Variants in KLF13 observed in about 807,000 individuals in gnomAD.
The protein encoded by KLF13 is KLF transcription factor 13.
KLF13 carries 8 observed loss-of-function variants against 16.7 expected under a neutral mutation model. That is an observed-to-expected ratio of 0.48 (90% CI 0.28 to 0.87). The LOEUF (loss-of-function observed/expected upper bound fraction) is 0.87. Among genes scored for constraint, KLF13 ranks in the 40% least tolerant of loss-of-function variants. The probability of loss-of-function intolerance (pLI) is 0.10; values close to 1 mark genes in which losing one functional copy is unlikely to be tolerated. For missense variants in KLF13, 447 were observed against 452.2 expected (o/e 0.99, Z 0.10); for synonymous variants, 245 against 208.4 (o/e 1.18, Z -1.51).
At chr15:31,425,446 TAA>T (rs1188777746) in intron 1 of KLF13, among the ~76,000 whole-genome samples, 1 of 152,128 alleles carries the variant, frequency 6.6e-6, no homozygotes, top group African/African-American at 2.4e-5. Flanking sequence ...CAATAGAATA[TAA>T]GAGAGATCCC....
At chr15:31,352,158 C>T (rs1017764135) in intron 1 of KLF13, among the ~76,000 whole-genome samples, 1 of 152,192 alleles carries the variant, frequency 6.6e-6, no homozygotes, top group African/African-American at 2.4e-5. Flanking sequence ...GCCACGCTGC[C>T]CCGTACCTGG....
upstream of KLF13, among the ~76,000 whole-genome samples, chr15:31,389,643 A>C (rs149678329): frequency 1.3e-3 from 197 of 152,328 alleles, 1 homozygote; most frequent in African/African-American, 4.5e-3. Flanking sequence ...AGGTGGGAGT[A>C]GGATGGCCTC....
Position 31,423,127 on chromosome 15 carries a change from A to ATG in KLF13, n.118-12242_118-12241insGT, listed in dbSNP as rs530508154. On this transcript the variant is annotated intron_variant and non_coding_transcript_variant, in intron 1 of 1. Transcript: ENST00000558225. The stretch of plus-strand genomic sequence containing the variant: ...TATACGTATACGTATATATACGTAT[A>ATG]TATACGTATACGTATACGTATATAT... 7.1e-5 allele frequency among the ~76,000 whole-genome samples: 8 copies of ATG among 112,724 alleles called. 1 individual carries two copies. The South Asian group carries it at 1.2e-3, about 17-fold the overall frequency. The allele number at this position is 112,724 out of a possible 152,430, so 74.0% of individuals were successfully genotyped here.
At chr15:31,415,542 T>C (rs550024987) in intron 1 of KLF13, among the ~76,000 whole-genome samples, 1 of 151,966 alleles carries the variant, frequency 6.6e-6, no homozygotes, top group Admixed American at 6.5e-5. Context: ...GAATAACCAA[T>C]AGGACAAAGA....
At chr15:31,398,030 C>T (rs992284531) in intron 2 of KLF13, among the ~76,000 whole-genome samples, 2 of 152,130 alleles carry the variant, frequency 1.3e-5, no homozygotes, top group Non-Finnish European at 2.9e-5. Context: ...TTACGCAGTC[C>T]GGGGCCAGTA....
At chr15:31,351,125 G>A (rs935538396) in intron 1 of KLF13, among the ~76,000 whole-genome samples, 1 of 152,226 alleles carries the variant, frequency 6.6e-6, no homozygotes. Context: ...TTCTCAGCCC[G>A]TATCATGGAC....
At chr15:31,385,400 A>G (rs1405188199) in intron 1 of KLF13, among the ~76,000 whole-genome samples, 3 of 152,212 alleles carry the variant, frequency 2.0e-5, no homozygotes, top group African/African-American at 7.2e-5. Flanking sequence ...TCTAGTGCAC[A>G]TGATTTTATT....
rs747301995 is a variant in KLF13 at position 31,327,672 on chromosome 15, G to C, written c.460G>C (p.Gly154Arg). Reference sequence around the variant, plus strand: ...CGGCCTCAGACAAAGGGTCCGGCGGGGCCGAAGTCGCGCCGACCTCGAGTC... The same window carrying C: ...CGGCCTCAGACAAAGGGTCCGGCGGCGCCGAAGTCGCGCCGACCTCGAGTC... Reference protein sequence around the residue: ...EPGLRQRVRRGRSRADLESPQ... With the variant: ...EPGLRQRVRRRRSRADLESPQ... Residue 154 changes from glycine to arginine, a missense_variant, in exon 1 of 2, where the codon GGC (glycine) becomes CGC (arginine). Physicochemically the swap from Gly to Arg is moderately radical, Grantham distance 125. Transcript: ENST00000307145. 2 of 1,512,886 alleles carry C rather than the reference G, an allele frequency of 1.3e-6. No individual in the cohort carries two copies. The highest frequency in any genetic ancestry group is 2.4e-5 in the South Asian group (2 of 83,208). 93.7% of individuals were successfully genotyped at this position (1,512,886 alleles called of 1,614,324 possible). A position where few individuals can be genotyped will look rare whatever the true frequency, so the allele number is the denominator to read the frequency against.
intron 1 of KLF13, among the ~76,000 whole-genome samples, chr15:31,413,187 C>CAAAAAAAAAAAAAAAAAAAAAAAAAAAA (rs1161762538): frequency 7.9e-5 from 5 of 63,348 alleles, no homozygotes; most frequent in Non-Finnish European, 1.1e-4. Flanking sequence ...AATGAATAGA[C>CAAAAAAAAAAAAAAAAAAAAAAAAAAAA]AAAAAAAAAA....
rs1197986941 is a variant in KLF13 at position 31,340,029 on chromosome 15, T to C, written c.577+12240T>C. On this transcript the variant is annotated intron_variant, in intron 1 of 1. Transcript: ENST00000307145. ...GTGGCTTTGTTTATTTTACTGTCAGTAGGGCTGACCCAGGTTGCCCTGGTG... is the reference window on the plus strand; with the variant it reads ...GTGGCTTTGTTTATTTTACTGTCAGCAGGGCTGACCCAGGTTGCCCTGGTG... The C allele has an allele frequency of 1.4e-5, 10 of 702,296 alleles. No individual in the cohort carries two copies. In the Admixed American group the frequency reaches 1.8e-4, roughly 13 times the overall value. 43.5% of individuals were successfully genotyped at this position (702,296 alleles called of 1,614,324 possible). A position where few individuals can be genotyped will look rare whatever the true frequency, so the allele number is the denominator to read the frequency against.
chr15:31,327,186 G>T lies in KLF13; in HGVS notation c.-27G>T, dbSNP rs1020020578. 2 of 1,288,680 alleles carry T rather than the reference G, an allele frequency of 1.6e-6. No individual in the cohort carries two copies. Among genetic ancestry groups the T allele is most frequent in the Non-Finnish European group, 2.0e-6 (2 of 1,018,684 alleles). The allele number at this position is 1,288,680 out of a possible 1,614,324, so 79.8% of individuals were successfully genotyped here. On this transcript the variant is annotated 5_prime_UTR_variant, in exon 1 of 2. Transcript: ENST00000307145. ...GCGCGGCTGACGACTCGCAGCAAGA[G>T]CACCGCCGCCGGCCCCAGCCCGCAG...
upstream of KLF13, among the ~76,000 whole-genome samples, chr15:31,391,355 G>A (rs1177668904): frequency 8.7e-5 from 12 of 137,390 alleles, no homozygotes; most frequent in Non-Finnish European, 1.6e-4. Context: ...GGGGCTGAGT[G>A]CGGGGACCTG....
intron 1 of KLF13, among the ~76,000 whole-genome samples, chr15:31,356,007 G>A (rs1264880095): frequency 6.6e-6 from 1 of 152,056 alleles, no homozygotes; most frequent in African/African-American, 2.4e-5. Flanking sequence ...CCTGGAAGGG[G>A]TGCACTGGAG....
chr15:31,379,248 T>G (rs1183031852), downstream of KLF13, among the ~76,000 whole-genome samples: 1 of 152,150 alleles, frequency 6.6e-6, no homozygotes, highest in Non-Finnish European at 1.5e-5. Context: ...AGCACACATT[T>G]TTCAAACAAA....
intron 1 of KLF13, among the ~76,000 whole-genome samples, chr15:31,348,487 A>G (rs1395967529): frequency 6.6e-6 from 1 of 152,198 alleles, no homozygotes; most frequent in Non-Finnish European, 1.5e-5. Flanking sequence ...TTTACCTCCC[A>G]GACAGGACTG....
In KLF13 at chr15:31,373,419, C is replaced by T. The variant is rs2039589003; in HGVS notation, c.*1120C>T. 1 of 152,252 alleles carries T rather than the reference C, an allele frequency of 6.6e-6. No homozygotes were observed. Among genetic ancestry groups the T allele is most frequent in the Non-Finnish European group, 1.5e-5 (1 of 68,050 alleles). 9.4% of individuals were successfully genotyped at this position (152,252 alleles called of 1,614,324 possible). The stretch of plus-strand genomic sequence containing the variant: ...GCGCGGATGTTACAGGAAATGCTGT[C>T]GGAGAGCGCGCATTCTATTTCCTCC... On this transcript the variant is annotated 3_prime_UTR_variant, in exon 2 of 2. Coordinates refer to ENST00000307145, the MANE Select transcript of KLF13 (RefSeq NM_015995.4).
At chr15:31,336,707 G>A (rs1028265450) in intron 1 of KLF13, among the ~76,000 whole-genome samples, 2 of 152,182 alleles carry the variant, frequency 1.3e-5, no homozygotes, top group African/African-American at 4.8e-5. Flanking sequence ...AGGCGTATGT[G>A]AGTCTCAGAA....
chr15:31,328,138 G>T (rs1595446388), intron 1 of KLF13, among the ~76,000 whole-genome samples: 1 of 149,692 alleles, frequency 6.7e-6, no homozygotes, highest in East Asian at 2.0e-4. Context: ...GGCGGCCTGG[G>T]TGTGGACCGC....
At position 31,347,823 on chromosome 15, in the gene KLF13, G is replaced by A. The variant is rs561275206; in HGVS notation, c.577+20034G>A. 4.5e-3 allele frequency among the ~76,000 whole-genome samples: 682 copies of A among 152,370 alleles called. 2 individuals are homozygous for A. The highest frequency in any genetic ancestry group is 7.1e-3 in the Non-Finnish European group (481 of 68,036). On this transcript the variant is annotated intron_variant, in intron 1 of 1. Transcript: ENST00000307145. ...CTGGGGCAGCATATAGGCTGCAGGG[G>A]TTGGGGGCTGCCTCTGTTGTAGTGG...
Sources: gnomAD v4.1 joint callset for allele counts (sites outside exome capture counted in the v4.1 genomes callset) on GRCh38, gnomAD v4.1.1 for gene constraint, MANE v1.5 for transcripts, NCBI Gene and HGNC (gene_info 2026-07-23, HGNC 2026-07-21) for gene names.